The following FBXL7 variants were observed in gnomAD, a reference collection of about 807,000 sequenced individuals.
FBXL7 encodes F-box/LRR-repeat protein 7.
Under a neutral mutation model 38.3 loss-of-function variants are expected in FBXL7, and 12 were observed. That is an observed-to-expected ratio of 0.31 (90% CI 0.20 to 0.51). FBXL7 has a LOEUF of 0.51. Ranked by LOEUF, FBXL7 falls within the 20% of genes least tolerant of loss-of-function variation. The pLI is 0.98. For missense variants in FBXL7, 567 were observed against 676.4 expected (o/e 0.84, Z 1.79); for synonymous variants, 297 against 300.9 (o/e 0.99, Z 0.13).
chr5:15,724,114 A>T (rs750968567), intron 2 of FBXL7, among the ~76,000 whole-genome samples: 3 of 152,186 alleles, frequency 2.0e-5, no homozygotes, highest in Non-Finnish European at 4.4e-5. Flanking sequence ...ATGAAACTTC[A>T]TTGACTTTTA....
chr5:15,802,416 C>A (rs1406468023), intron 2 of FBXL7, among the ~76,000 whole-genome samples: 1 of 152,040 alleles, frequency 6.6e-6, no homozygotes, highest in African/African-American at 2.4e-5. Flanking sequence ...AGATGTCTAC[C>A]CTTGTGTCTG....
chr5:15,760,047 A>T (rs990224100), intron 2 of FBXL7, among the ~76,000 whole-genome samples: 55 of 149,956 alleles, frequency 3.7e-4, no homozygotes, highest in Non-Finnish European at 6.1e-4. Flanking sequence ...GAATTATTTC[A>T]TTTTTTTTTT....
At chr5:15,581,443 A>G (rs1739138015) in intron 1 of FBXL7, among the ~76,000 whole-genome samples, 2 of 152,040 alleles carry the variant, frequency 1.3e-5, no homozygotes, top group African/African-American at 4.8e-5. Flanking sequence ...CAGTGCTACT[A>G]ATGTTGGCTA....
intron 1 of FBXL7, among the ~76,000 whole-genome samples, chr5:15,570,798 C>G (rs1473914059): frequency 6.6e-6 from 1 of 152,128 alleles, no homozygotes; most frequent in African/African-American, 2.4e-5. Context: ...TATAACTGTG[C>G]TTTAATTTTT....
At chr5:15,635,061 C>T (rs960669198) in intron 2 of FBXL7, among the ~76,000 whole-genome samples, 9 of 152,050 alleles carry the variant, frequency 5.9e-5, no homozygotes, top group Non-Finnish European at 1.0e-4. Flanking sequence ...ATTATTCTGC[C>T]TACCACACAG....
At chr5:15,867,967 G>C (rs1224387256) in intron 2 of FBXL7, among the ~76,000 whole-genome samples, 1 of 152,136 alleles carries the variant, frequency 6.6e-6, no homozygotes, top group African/African-American at 2.4e-5. Context: ...AGCCGGGTGT[G>C]GTGGTGTGCA....
intron 3 of FBXL7, among the ~76,000 whole-genome samples, chr5:15,929,279 C>T (rs1741975795): frequency 6.6e-6 from 1 of 152,214 alleles, no homozygotes; most frequent in Admixed American, 6.5e-5. Flanking sequence ...TTCTCAATTA[C>T]ACAGTGCAAG....
intron 1 of FBXL7, among the ~76,000 whole-genome samples, chr5:15,582,936 T>G (rs1041415046): frequency 2.0e-5 from 2 of 99,590 alleles, no homozygotes; most frequent in African/African-American, 9.0e-5. Context: ...TTGGCTCATG[T>G]TTTTTTTTTT....
chr5:15,741,159 A>G (rs1172053800), intron 2 of FBXL7, among the ~76,000 whole-genome samples: 1 of 152,190 alleles, frequency 6.6e-6, no homozygotes. Flanking sequence ...TTATATAGAA[A>G]TATGTTAATG....
intron 1 of FBXL7, among the ~76,000 whole-genome samples, chr5:15,535,557 T>A (rs999547384): frequency 7.2e-5 from 11 of 152,200 alleles, no homozygotes; most frequent in Admixed American, 5.9e-4. Context: ...GCGCTAGAGA[T>A]CTGTGGAACT....
rs191860200 is a variant in FBXL7 at position 15,789,763 on chromosome 5, C to T, written c.128-138127C>T. ...CCTGACTCTGTTCCTATGGCTGTGGCCAGCTCTGGGGCAGATAGTGTGGGA... is the reference window on the plus strand; with the variant it reads ...CCTGACTCTGTTCCTATGGCTGTGGTCAGCTCTGGGGCAGATAGTGTGGGA... On this transcript the variant is annotated intron_variant, in intron 2 of 3. Coordinates refer to ENST00000504595, the MANE Select transcript of FBXL7 (RefSeq NM_012304.5). 6.6e-3 allele frequency among the ~76,000 whole-genome samples: 1,009 copies of T among 152,292 alleles called. 5 individuals are homozygous for T. Among genetic ancestry groups the T allele is most frequent in the Middle Eastern group, 0.01 (3 of 294 alleles).
chr5:15,677,213 A>C (rs1486970372), intron 2 of FBXL7, among the ~76,000 whole-genome samples: 1 of 152,170 alleles, frequency 6.6e-6, no homozygotes, highest in Non-Finnish European at 1.5e-5. Flanking sequence ...CTCACGCCGG[A>C]AATCCCAACA....
At chr5:15,518,410 A>C (rs1431061540) in intron 1 of FBXL7, among the ~76,000 whole-genome samples, 2 of 152,204 alleles carry the variant, frequency 1.3e-5, no homozygotes, top group Admixed American at 1.3e-4. Context: ...TGGCAGGGGA[A>C]GGGAGATGCT....
chr5:15,642,821 C>T (rs943157575), intron 2 of FBXL7, among the ~76,000 whole-genome samples: 1 of 152,176 alleles, frequency 6.6e-6, no homozygotes, highest in South Asian at 2.1e-4. Flanking sequence ...AAAATTCTTA[C>T]ATCCCACAAC....
chr5:15,545,582 C>A (rs980713674), intron 1 of FBXL7, among the ~76,000 whole-genome samples: 11 of 152,092 alleles, frequency 7.2e-5, no homozygotes, highest in Non-Finnish European at 1.5e-4. Flanking sequence ...TTCCTTAATA[C>A]TGGCATATAA....
At chr5:15,530,085 G>A (rs766691315) in intron 1 of FBXL7, among the ~76,000 whole-genome samples, 2 of 152,222 alleles carry the variant, frequency 1.3e-5, no homozygotes, top group Non-Finnish European at 2.9e-5. Context: ...ATGAAATCTA[G>A]CATGCTGGAG....
Position 15,658,726 on chromosome 5 carries a change from C to T in FBXL7, c.127+42654C>T, listed in dbSNP as rs141734846. Among the ~76,000 whole-genome samples the T allele has an allele frequency of 2.9e-3, 438 of 152,098 alleles. 2 individuals are homozygous for T. The highest frequency in any genetic ancestry group is 9.9e-3 in the African/African-American group (410 of 41,500). ...GTATGTGACTGGGGGCTGCATGCAC[C>T]GGTAATCAGAACGGAACAGAACAGG... is the stretch of plus-strand genomic sequence containing the variant. On this transcript the variant is annotated intron_variant, in intron 2 of 3. Coordinates refer to ENST00000504595, the MANE Select transcript of FBXL7 (RefSeq NM_012304.5).
Position 15,725,856 on chromosome 5 carries a change from A to G in FBXL7, c.127+109784A>G, listed in dbSNP as rs147412518. ...TTTCACCATGTTGGCCAGGCTGTAG[A>G]TTGTTATTTCTGTGTTTATTAAATC... On this transcript the variant is annotated intron_variant, in intron 2 of 3. Coordinates refer to ENST00000504595, the MANE Select transcript of FBXL7 (RefSeq NM_012304.5). Among the ~76,000 whole-genome samples the G allele has an allele frequency of 6.4e-3, 970 of 151,914 alleles. 11 individuals are homozygous for G. The highest frequency in any genetic ancestry group is 0.022 in the African/African-American group (916 of 41,446).
chr5:15,782,941 CTTTA>C (rs1464386901), intron 2 of FBXL7, among the ~76,000 whole-genome samples: 1 of 152,016 alleles, frequency 6.6e-6, no homozygotes, highest in African/African-American at 2.4e-5. Context: ...CCATTTGAGA[CTTTA>C]TTTGACAGTT....
Sources: gnomAD v4.1 joint callset for allele counts (sites outside exome capture counted in the v4.1 genomes callset) on GRCh38, gnomAD v4.1.1 for gene constraint, MANE v1.5 for transcripts, NCBI Gene and HGNC (gene_info 2026-07-23, HGNC 2026-07-21) for gene names.